Variants in DPP9 observed in about 807,000 individuals in gnomAD.
DPP9 encodes the protein dipeptidyl peptidase 9, also known as dipeptidyl peptidase IV-related protein-2.
A neutral mutation model predicts 110.7 loss-of-function variants in DPP9; 50 were observed. The observed-to-expected ratio is 0.45, with a 90% CI of 0.36 to 0.57. The LOEUF (loss-of-function observed/expected upper bound fraction) is 0.57. DPP9 is among the 20% of genes least tolerant of loss of function. The probability of loss-of-function intolerance (pLI) is 0.00; values close to 1 mark genes in which losing one functional copy is unlikely to be tolerated. For synonymous variants in DPP9, 561 were observed against 514.4 expected, an observed-to-expected ratio of 1.09 and a Z score of -1.23; for missense variants, 1,022 against 1,217.9, an observed-to-expected ratio of 0.84 and a Z score of 2.39.
At position 4,698,810 on chromosome 19, in the gene DPP9, C is replaced by T. The variant is rs183841826; in HGVS notation, c.1075-1159G>A. ...CTGGAAGGAGGTTTCACGTGCATCA[C>T]TGGCAAAGCCACTCAGACTGATCAC... On this transcript the variant is annotated intron_variant, in intron 10 of 21. Transcript: ENST00000262960. This position sits in a 1 kb window ranked among gnomAD's most constrained non-coding sequence, Gnocchi z 4.2. Among the ~76,000 whole-genome samples the T allele has an allele frequency of 6.6e-6, 1 of 152,240 alleles. No homozygotes were observed. Among genetic ancestry groups the T allele is most frequent in the African/African-American group, 2.4e-5 (1 of 41,536 alleles).
intron 4 of DPP9, among the ~76,000 whole-genome samples, chr19:4,712,135 C>T (rs1370762632): frequency 6.6e-6 from 1 of 152,206 alleles, no homozygotes; most frequent in Non-Finnish European, 1.5e-5. Flanking sequence ...AAAGAGGCAA[C>T]GGCCCATGGC....
intron 4 of DPP9, among the ~76,000 whole-genome samples, chr19:4,708,700 C>T (rs1294309605): frequency 1.3e-5 from 2 of 152,198 alleles, no homozygotes; most frequent in Non-Finnish European, 2.9e-5. Context: ...AAACCAAATA[C>T]CACATGTTCT....
intron 4 of DPP9, among the ~76,000 whole-genome samples, chr19:4,707,879 G>A (rs1401529197): frequency 6.6e-6 from 1 of 152,042 alleles, no homozygotes; most frequent in Non-Finnish European, 1.5e-5. Flanking sequence ...GCCCACCTTG[G>A]CCTCCCAAAA....
At chr19:4,696,535 C>T (rs1254751952) in intron 11 of DPP9, among the ~76,000 whole-genome samples, 13 of 151,372 alleles carry the variant, frequency 8.6e-5, no homozygotes, top group Admixed American at 6.6e-4. Flanking sequence ...CCGAGGGGGG[C>T]GGATCACAAG....
rs895721489 is a variant in DPP9 at position 4,710,332 on chromosome 19, G to C, written c.313+3749C>G. Among the ~76,000 whole-genome samples the C allele has an allele frequency of 6.6e-6, 1 of 152,212 alleles. No individual in the cohort carries two copies. Among genetic ancestry groups the C allele is most frequent in the African/African-American group, 2.4e-5 (1 of 41,452 alleles). On this transcript the variant is annotated intron_variant, in intron 4 of 21. Transcript: ENST00000262960. The surrounding 1 kb of genome is among the most constrained non-coding windows in gnomAD (Gnocchi z 5.6). ...TGCTTTCCCTTTCGAGGGAGTTCCA[G>C]AACTGTCTGGAACCCTGTGGCCTCC...
rs1046391945 is a variant in DPP9, at chr19:4,676,227, C to T, written c.*337G>A. 5.8e-5 allele frequency: 17 copies of T among 293,768 alleles called. No individual in the cohort carries two copies. The highest frequency in any genetic ancestry group is 4.8e-4 in the Admixed American group (10 of 21,004). 18.2% of individuals were successfully genotyped at this position (293,768 alleles called of 1,614,324 possible). ...CTGAGAGGTCACAGGGAGCCCCAGGCGGAAGGCAGCCCGCTCCTCTGAGTC... is the reference window on the plus strand; with the variant it reads ...CTGAGAGGTCACAGGGAGCCCCAGGTGGAAGGCAGCCCGCTCCTCTGAGTC... On this transcript the variant is annotated 3_prime_UTR_variant, in exon 22 of 22. Coordinates refer to ENST00000262960, the MANE Select transcript of DPP9 (RefSeq NM_139159.5). The surrounding 1 kb of genome is among the most constrained non-coding windows in gnomAD (Gnocchi z 4.0).
chr19:4,683,018 A>G (rs910373261), intron 19 of DPP9, 180 bp from the exon 20 acceptor site: 2 of 1,523,402 alleles, frequency 1.3e-6, no homozygotes, highest in Non-Finnish European at 1.8e-6. Flanking sequence ...GGTGCGTGGC[A>G]TGGGGGTGGG....
intron 1 of DPP9, 139 bp from the exon 2 acceptor site, chr19:4,722,690 C>T (rs1223842124): frequency 6.2e-6 from 4 of 645,704 alleles, no homozygotes; most frequent in Admixed American, 2.2e-5. Context: ...TGAAGCCCTG[C>T]AGCACTGTCT....
In DPP9 at chr19:4,685,844, A is replaced by G. The variant is rs1024289693; in HGVS notation, c.1886-73T>C. On this transcript the variant is annotated intron_variant, in intron 16 of 21. Transcript: ENST00000262960. The surrounding 1 kb of genome is among the most constrained non-coding windows in gnomAD (Gnocchi z 5.8). ...AGCTGACACCCTTGTTCTCCTGCCC[A>G]CCCCAAGCCTTGGAGGGTGGACCAA... The G allele has an allele frequency of 2.6e-6, 4 of 1,558,426 alleles. No homozygotes were observed. The African/African-American group carries it at 5.4e-5, about 21-fold the overall frequency.
chr19:4,693,841 CT>C lies in DPP9; in HGVS notation c.1516+819del, dbSNP rs1426703842. ...ACCCTCTCCTCCCTCTCTCCCCCTC[CT>C]CCCTGTGCTCCAGCCACAGGGGCCT... On this transcript the variant is annotated intron_variant, in intron 13 of 21. Transcript: ENST00000262960. The surrounding 1 kb of genome is among the most constrained non-coding windows in gnomAD (Gnocchi z 5.0). 6.6e-6 allele frequency among the ~76,000 whole-genome samples: 1 copy of C among 152,056 alleles called. No homozygotes were observed. Among genetic ancestry groups the C allele is most frequent in the African/African-American group, 2.4e-5 (1 of 41,418 alleles).
chr19:4,706,929 G>A (rs1414174845), intron 4 of DPP9, among the ~76,000 whole-genome samples: 3 of 152,140 alleles, frequency 2.0e-5, no homozygotes, highest in Non-Finnish European at 4.4e-5. Context: ...ACTGCGAGGC[G>A]CTGAGCAGCA....
intron 21 of DPP9, among the ~76,000 whole-genome samples, chr19:4,677,209 A>G (rs990453502): frequency 2.6e-5 from 4 of 151,954 alleles, no homozygotes; most frequent in African/African-American, 9.7e-5. Context: ...TGAGACCTGG[A>G]CCAGCCAACG....
At position 4,676,604 on chromosome 19, in the gene DPP9, T is replaced by C. The variant is rs1172450783; in HGVS notation, c.2639A>G (p.Tyr880Cys). 1 of 1,609,090 alleles carries C rather than the reference T, an allele frequency of 6.2e-7. No individual in the cohort carries two copies. Residue 880 changes from tyrosine (Y) to cysteine (C), a missense_variant, in exon 22 of 22, where the codon TAT becomes TGT. Physicochemically the swap from Tyr to Cys is radical, Grantham distance 194. Transcript: ENST00000262960. This position sits in a 1 kb window ranked among gnomAD's most constrained non-coding sequence, Gnocchi z 4.0. ...TAGAAAGTGCAGCAACGTGACTTCA[T>C]AGTGCTCGCCCGACTCGGGGCAGCG... ...SIRCPESGEH[Y>C]EVTLLHFLQE...
At position 4,687,863 on chromosome 19, in the gene DPP9, T is replaced by G. The variant is rs186587594; in HGVS notation, c.1885+894A>C. ...CCCAGGCTAAAGTACAGTGGTGCGA[T>G]CTCAGCTCACTGCAACCTCTGTGTC... On this transcript the variant is annotated intron_variant, in intron 16 of 21. Transcript: ENST00000262960. The surrounding 1 kb of genome is among the most constrained non-coding windows in gnomAD (Gnocchi z 4.7). 3.5e-4 allele frequency among the ~76,000 whole-genome samples: 53 copies of G among 152,304 alleles called. 2 individuals are homozygous for G. In the East Asian group the frequency reaches 9.6e-3, roughly 28 times the overall value.
In DPP9 at chr19:4,675,716, C is replaced by T. The variant is rs374579371; in HGVS notation, c.*848G>A. On this transcript the variant is annotated 3_prime_UTR_variant, in exon 22 of 22. Transcript: ENST00000262960. ...CCTACCAGGTGCTGGGTTGCAACCC[C>T]GCTGCCCGGTGTGGACCCCAAGTCT... The T allele has an allele frequency of 8.2e-4, 125 of 152,384 alleles. 3 individuals carry two copies. The highest frequency in any genetic ancestry group is 6.8e-3 in the Middle Eastern group (2 of 294). 9.4% of individuals were successfully genotyped at this position (152,384 alleles called of 1,614,324 possible). A position where few individuals can be genotyped will look rare whatever the true frequency, so the allele number is the denominator to read the frequency against.
chr19:4,715,180 C>T (rs2093024296), intron 3 of DPP9, among the ~76,000 whole-genome samples: 2 of 151,772 alleles, frequency 1.3e-5, no homozygotes, highest in South Asian at 4.2e-4. Flanking sequence ...CCACCATGCC[C>T]AACTAATGTT....
chr19:4,685,739 A>T lies in DPP9; in HGVS notation c.1918T>A (p.Phe640Ile). The T allele has an allele frequency of 6.2e-7, 1 of 1,613,422 alleles. No homozygotes were observed. The change falls in exon 17 of 22, where the codon TTC becomes ATC. Residue 640 changes from phenylalanine to isoleucine, a missense_variant. Coordinates refer to ENST00000262960, the MANE Select transcript of DPP9 (RefSeq NM_139159.5). This position sits in a 1 kb window ranked among gnomAD's most constrained non-coding sequence, Gnocchi z 5.8. ...CPPDYVPPEI[F>I]HFHTRSDVRL... ...ACATCCGAGCGCGTGTGGAAATGGA[A>T]GATCTCTGGAGGAACATAATCCGGG...
rs939557022 is a variant in DPP9, at chr19:4,718,012, C to G, written c.56+1839G>C. On this transcript the variant is annotated intron_variant, in intron 3 of 21. Coordinates refer to ENST00000262960, the MANE Select transcript of DPP9 (RefSeq NM_139159.5). This position sits in a 1 kb window ranked among gnomAD's most constrained non-coding sequence, Gnocchi z 4.3. ...GGTGCCTCTGCGGCCTGTGACACCA[C>G]CAGCAAACAGCTCCAGACCTCCTAG... The G allele has an allele frequency of 6.6e-6, 1 of 152,304 alleles. No homozygotes were observed. The highest frequency in any genetic ancestry group is 1.5e-5 in the Non-Finnish European group (1 of 68,100). The allele number at this position is 152,304 out of a possible 1,614,324, so 9.4% of individuals were successfully genotyped here.
chr19:4,711,216 G>T (rs1259388756), intron 4 of DPP9, among the ~76,000 whole-genome samples: 1 of 152,120 alleles, frequency 6.6e-6, no homozygotes, highest in Non-Finnish European at 1.5e-5. Flanking sequence ...CTGCTCTTGG[G>T]TTCCATGAGA....
Sources: gnomAD v4.1 joint callset for allele counts (sites outside exome capture counted in the v4.1 genomes callset) on GRCh38, gnomAD v4.1.1 for gene constraint, Gnocchi (gnomAD v3.1) non-coding constraint, MANE v1.5 for transcripts, NCBI Gene and HGNC (gene_info 2026-07-23, HGNC 2026-07-21) for gene names.